Variants in OGA observed in about 807,000 individuals in gnomAD.
OGA encodes the protein protein O-GlcNAcase.
Under a neutral mutation model 102.0 loss-of-function variants are expected in OGA, and 21 were observed. The ratio of observed to expected loss-of-function variants is 0.21; its 90% confidence interval spans 0.15 to 0.30. OGA has a LOEUF of 0.30. Ranked by LOEUF, OGA falls within the 10% of genes least tolerant of loss-of-function variation. The pLI, the probability that OGA is intolerant of heterozygous loss-of-function variation, is 1.00. For missense variants in OGA, 765 were observed against 1,107.8 expected (o/e 0.69, Z 4.39); for synonymous variants, 408 against 378.2 (o/e 1.08, Z -0.91).
chr10:101,804,837 T>C (rs2065446565), intron 6 of OGA, among the ~76,000 whole-genome samples: 1 of 152,078 alleles, frequency 6.6e-6, no homozygotes. Context: ...GCGATCCTCC[T>C]ACCTCAACTC....
chr10:101,808,963 C>A (rs2065512550), intron 4 of OGA, among the ~76,000 whole-genome samples: 1 of 150,896 alleles, frequency 6.6e-6, no homozygotes, highest in Non-Finnish European at 1.5e-5. Flanking sequence ...GAGCAAGACT[C>A]AGTTTCAAAA....
At chr10:101,792,304 G>A (rs906545157) in intron 12 of OGA, among the ~76,000 whole-genome samples, 6 of 152,086 alleles carry the variant, frequency 3.9e-5, no homozygotes, top group African/African-American at 7.2e-5. Flanking sequence ...CACCAAGCCC[G>A]GCCTATTTGT....
At chr10:101,812,991 C>T in intron 3 of OGA, 39 bp downstream of exon 3, 1 of 1,414,238 alleles carries the variant, frequency 7.1e-7, no homozygotes, top group Non-Finnish European at 1.0e-6. Context: ...CCGTTTTCTT[C>T]ACAGATTTTG....
chr10:101,790,793 G>GT (rs1359708429), intron 14 of OGA, 103 bp downstream of exon 14: 2 of 781,472 alleles, frequency 2.6e-6, no homozygotes, highest in East Asian at 6.5e-5. Flanking sequence ...ATTTTATGAT[G>GT]TATCTATGTA....
At position 101,818,397 on chromosome 10, in the gene OGA, A is replaced by C; in HGVS notation, c.-375T>G. 3 of 1,027,664 alleles carry C rather than the reference A, an allele frequency of 2.9e-6. No individual in the cohort carries two copies. Among genetic ancestry groups the C allele is most frequent in the Non-Finnish European group, 3.5e-6 (3 of 856,616 alleles). The allele number at this position is 1,027,664 out of a possible 1,614,324, so 63.7% of individuals were successfully genotyped here. A position where few individuals can be genotyped will look rare whatever the true frequency, so the allele number is the denominator to read the frequency against. ...TCCGCTGTTTCCCCTCCAAGCCCCG[A>C]GCTCTCCCTCTGCTGCTGCCTCCAC... On this transcript the variant is annotated 5_prime_UTR_variant, in exon 1 of 16. Coordinates refer to ENST00000361464, the MANE Select transcript of OGA (RefSeq NM_012215.5).
chr10:101,805,903 C>A (rs1051663835), intron 6 of OGA, 142 bp downstream of exon 6: 15 of 561,052 alleles, frequency 2.7e-5, no homozygotes, highest in Non-Finnish European at 4.2e-5. Flanking sequence ...TGCAGTGAGC[C>A]GAGATCATGC....
At chr10:101,803,452 AAAAAAAAAAAC>A (rs1307060049) in intron 7 of OGA, among the ~76,000 whole-genome samples, 1 of 150,000 alleles carries the variant, frequency 6.7e-6, no homozygotes, top group Non-Finnish European at 1.5e-5. Context: ...TCATACTAAA[AAAAAAAAAAAC>A]AAAAAAAAAA....
chr10:101,814,591 C>T (rs2065598363), intron 1 of OGA, among the ~76,000 whole-genome samples: 1 of 151,960 alleles, frequency 6.6e-6, no homozygotes, highest in Admixed American at 6.6e-5. Context: ...CTCTCTCTCT[C>T]AAAAAAAGTT....
chr10:101,795,161 T>C (rs773608804), intron 10 of OGA, among the ~76,000 whole-genome samples: 8 of 152,324 alleles, frequency 5.3e-5, no homozygotes, highest in Non-Finnish European at 1.2e-4. Context: ...TAATTTACAC[T>C]GCAGGAAAAA....
chr10:101,814,605 C>G (rs17770716), intron 1 of OGA, among the ~76,000 whole-genome samples: 17,658 of 152,118 alleles, frequency 0.12, 1,113 homozygotes, highest in African/African-American at 0.14. Flanking sequence ...AAAAGTTCCA[C>G]ATACAATGAT....
At position 101,798,950 on chromosome 10, in the gene OGA, A is replaced by T. The variant is rs1255585105; in HGVS notation, c.1701T>A (p.Leu567=). 1 of 1,614,200 alleles carries T rather than the reference A, an allele frequency of 6.2e-7. No homozygotes were observed. The highest frequency in any genetic ancestry group is 1.1e-5 in the South Asian group (1 of 91,084). Residue 567 remains leucine (L), a synonymous_variant, in exon 9 of 16, where the codon CTT becomes CTA. Transcript: ENST00000361464. ...CTCCTTTGGGTCCATGCTCGTAAGGAAGGTAGAATAGATCAGCAAGTAACT... is the reference window on the plus strand; with the variant it reads ...CTCCTTTGGGTCCATGCTCGTAAGGTAGGTAGAATAGATCAGCAAGTAACT... The part of the protein sequence containing the change: ...DLQLLADLFY[L]PYEHGPKGAQ...
chr10:101,806,872 G>A (rs2065482990), intron 5 of OGA, among the ~76,000 whole-genome samples: 1 of 152,042 alleles, frequency 6.6e-6, no homozygotes, highest in Non-Finnish European at 1.5e-5. Context: ...CCAAGAGTTC[G>A]ACACTAGCCT....
intron 12 of OGA, 143 bp from the exon 13 acceptor site, chr10:101,791,582 AAT>A: frequency 1.6e-6 from 1 of 630,366 alleles, no homozygotes; most frequent in Non-Finnish European, 2.8e-6. Context: ...TTCTTTGTAA[AAT>A]AAAGATTTAT....
chr10:101,801,544 A>G (rs1018217482), intron 7 of OGA, among the ~76,000 whole-genome samples: 7 of 152,302 alleles, frequency 4.6e-5, no homozygotes, highest in Admixed American at 2.0e-4. Flanking sequence ...GCTTTCCTTA[A>G]TATTTCCTAC....
rs2065185600 is a variant in OGA, at chr10:101,785,802, T to G, written c.*649A>C. The G allele has an allele frequency of 6.6e-6, 1 of 152,354 alleles. No homozygotes were observed. The highest frequency in any genetic ancestry group is 2.1e-4 in the South Asian group (1 of 4,832). 9.4% of individuals were successfully genotyped at this position (152,354 alleles called of 1,614,324 possible). ...TTTATATACAAAGAAATTTACAAGT[T>G]TGTCAATTGTAGGCTTTTGCCACAA... On this transcript the variant is annotated 3_prime_UTR_variant, in exon 16 of 16. Coordinates refer to ENST00000361464, the MANE Select transcript of OGA (RefSeq NM_012215.5).
chr10:101,817,618 T>C (rs1023473493), intron 1 of OGA, among the ~76,000 whole-genome samples: 1 of 152,012 alleles, frequency 6.6e-6, no homozygotes, highest in Non-Finnish European at 1.5e-5. Flanking sequence ...GTCAGACTTG[T>C]GAGTGGCCAG....
In OGA at chr10:101,818,321, G is replaced by C. The variant is rs1366320278; in HGVS notation, c.-299C>G. On this transcript the variant is annotated 5_prime_UTR_variant, in exon 1 of 16. Transcript: ENST00000361464. ...CGTTCCCTGGAAGAAGACGGCCAAG[G>C]GTCCTGTCCTCGTTCTCTGCCTCTG... The C allele has an allele frequency of 8.4e-7, 1 of 1,184,490 alleles. No individual in the cohort carries two copies. Among genetic ancestry groups the C allele is most frequent in the Non-Finnish European group, 1.0e-6 (1 of 953,660 alleles). The allele number at this position is 1,184,490 out of a possible 1,614,324, so 73.4% of individuals were successfully genotyped here.
intron 5 of OGA, among the ~76,000 whole-genome samples, chr10:101,807,286 G>C (rs982374895): frequency 6.6e-6 from 1 of 152,106 alleles, no homozygotes; most frequent in African/African-American, 2.4e-5. Context: ...AAAGGAAAAC[G>C]GGAAAAACTG....
chr10:101,801,630 G>A (rs1402376672), intron 7 of OGA, among the ~76,000 whole-genome samples: 1 of 152,164 alleles, frequency 6.6e-6, no homozygotes, highest in African/African-American at 2.4e-5. Flanking sequence ...TAGGAGTTAA[G>A]TGCCATGTAC....
Sources: gnomAD v4.1 joint callset for allele counts (sites outside exome capture counted in the v4.1 genomes callset) on GRCh38, gnomAD v4.1.1 for gene constraint, MANE v1.5 for transcripts, NCBI Gene and HGNC (gene_info 2026-07-23, HGNC 2026-07-21) for gene names.